Variants in ARHGEF7 observed in about 807,000 individuals in gnomAD.
ARHGEF7 encodes the protein Rho guanine nucleotide exchange factor 7.
A neutral mutation model predicts 109.8 loss-of-function variants in ARHGEF7; 33 were observed. That is an observed-to-expected ratio of 0.30 (90% confidence interval 0.23 to 0.40). The LOEUF (loss-of-function observed/expected upper bound fraction) is 0.40. Among genes scored for constraint, ARHGEF7 ranks in the 10% least tolerant of loss-of-function variants. The pLI is 1.00. For missense variants in ARHGEF7, 938 were observed against 1,098.5 expected (o/e 0.85, Z 2.07); for synonymous variants, 458 against 424.6 (o/e 1.08, Z -0.97).
At position 111,209,874 on chromosome 13, in the gene ARHGEF7, A is replaced by T; in HGVS notation, c.340A>T (p.Ile114Phe). ...LVTLNKVTAD[I>F]GLGSDSVCAR... ...TTCTGTGTGCATGCTCTTTGCAGAC[A>T]TCGGGCTGGGGAGTGACTCCGTGTG... The change falls in exon 4 of 22, where the codon ATC (isoleucine) becomes TTC (phenylalanine). Residue 114 changes from isoleucine to phenylalanine, a missense_variant and splice_region_variant. By Grantham distance (21) the Ile-to-Phe change is conservative (BLOSUM62 0). Transcript: ENST00000646102. The T allele has an allele frequency of 6.2e-7, 1 of 1,614,120 alleles. No homozygotes were observed. The highest frequency in any genetic ancestry group is 8.5e-7 in the Non-Finnish European group (1 of 1,179,976).
At chr13:111,247,083 C>T (rs764413221) in intron 8 of ARHGEF7, among the ~76,000 whole-genome samples, 4 of 152,132 alleles carry the variant, frequency 2.6e-5, no homozygotes, top group African/African-American at 4.8e-5. Context: ...TAGAGTTCCA[C>T]GGGGAAATGG....
chr13:111,163,525 A>G (rs2076900486), intron 2 of ARHGEF7, among the ~76,000 whole-genome samples: 1 of 152,186 alleles, frequency 6.6e-6, no homozygotes. Context: ...AAAAAAGTGA[A>G]GCAAAGTTAA....
chr13:111,245,667 G>C (rs1212636030), intron 8 of ARHGEF7, among the ~76,000 whole-genome samples: 1 of 152,110 alleles, frequency 6.6e-6, no homozygotes, highest in Non-Finnish European at 1.5e-5. Flanking sequence ...AAAACTTCTT[G>C]ACCCACCACT....
chr13:111,205,230 TTCATCCTGCACCCAACATAAG>T, intron 2 of ARHGEF7, 38 bp from the exon 3 acceptor site: 1 of 1,383,320 alleles, frequency 7.2e-7, no homozygotes, highest in Non-Finnish European at 1.0e-6. Context: ...GAGAACTTAG[TTCATCCTGCACCCAACATAAG>T]ACTCTACTAA....
At chr13:111,248,214 G>A (rs536047187) in intron 8 of ARHGEF7, among the ~76,000 whole-genome samples, 2 of 151,954 alleles carry the variant, frequency 1.3e-5, no homozygotes, top group African/African-American at 4.8e-5. Context: ...GAAGGATATT[G>A]CTCCACTGTC....
rs1389368901 is a variant in ARHGEF7, at chr13:111,303,001, A to G, written c.2477A>G (p.Lys826Arg). ...CTGCTTAATTTACAGGACAACAAAA[A>G]GATGAAGAAATCTCTAGAGGAAGAA... ...EVQELRQDNK[K>R]MKKSLEEEQR... Residue 826 changes from lysine to arginine, a missense_variant, in exon 22 of 22, where the codon AAG becomes AGG. Physicochemically the swap from Lys to Arg is conservative, Grantham distance 26. Transcript: ENST00000646102. 1 of 1,614,044 alleles carries G rather than the reference A, an allele frequency of 6.2e-7. No individual in the cohort carries two copies. The highest frequency in any genetic ancestry group is 8.5e-7 in the Non-Finnish European group (1 of 1,180,008).
intron 6 of ARHGEF7, among the ~76,000 whole-genome samples, chr13:111,240,248 A>C (rs960507078): frequency 3.3e-5 from 5 of 152,218 alleles, no homozygotes; most frequent in Non-Finnish European, 7.3e-5. Context: ...GCCATTGCCT[A>C]TAAACCTTTA....
Position 111,115,618 on chromosome 13 carries a change from TG to T in ARHGEF7, c.93del (p.Gln32ArgfsTer4). 7.1e-7 allele frequency: 1 copy of T among 1,403,770 alleles called. No homozygotes were observed. The allele number at this position is 1,403,770 out of a possible 1,614,324, so 87.0% of individuals were successfully genotyped here. On this transcript the variant is annotated frameshift_variant, in exon 1 of 22. Coordinates refer to ENST00000646102, the MANE Select transcript of ARHGEF7 (RefSeq NM_001354046.2). LOFTEE classifies it high-confidence loss of function. ...KKTISDPEGF[L>X]QASLKDGVVL... ...ACCATCTCGGACCCGGAGGGCTTTC[TG>T]CAGGCGTCGCTGAAGGATGGGGTGG...
intron 2 of ARHGEF7, among the ~76,000 whole-genome samples, chr13:111,189,766 C>T (rs2079655617): frequency 6.6e-6 from 1 of 152,160 alleles, no homozygotes; most frequent in Non-Finnish European, 1.5e-5. Context: ...CATTTACAAA[C>T]CTTTGGCTGG....
Position 111,258,890 on chromosome 13 carries a change from A to C in ARHGEF7, c.951-8658A>C, listed in dbSNP as rs1595267518. The stretch of plus-strand genomic sequence containing the variant: ...CTCAGGCCTGGTGGCATTCACCACA[A>C]ACTGACTGAAGAGTCCTTGGGCCTT... On this transcript the variant is annotated intron_variant, in intron 8 of 21. Coordinates refer to ENST00000646102, the MANE Select transcript of ARHGEF7 (RefSeq NM_001354046.2). This position sits in a 1 kb window ranked among gnomAD's most constrained non-coding sequence, Gnocchi z 4.4. Among the ~76,000 whole-genome samples the C allele has an allele frequency of 6.6e-6, 1 of 151,702 alleles. No homozygotes were observed. The highest frequency in any genetic ancestry group is 1.9e-4 in the East Asian group (1 of 5,146).
intron 2 of ARHGEF7, among the ~76,000 whole-genome samples, chr13:111,172,027 A>G (rs1400617867): frequency 1.3e-5 from 2 of 152,290 alleles, no homozygotes; most frequent in East Asian, 1.9e-4. Context: ...TGAGCCGCCC[A>G]GGTTATGGTA....
chr13:111,169,750 A>G (rs1055114625), intron 2 of ARHGEF7, among the ~76,000 whole-genome samples: 2 of 152,214 alleles, frequency 1.3e-5, no homozygotes, highest in African/African-American at 4.8e-5. Context: ...ATGCTGTTAC[A>G]GTAATGAACA....
chr13:111,134,420 G>A (rs2074983814), intron 1 of ARHGEF7, among the ~76,000 whole-genome samples: 3 of 152,322 alleles, frequency 2.0e-5, no homozygotes. Flanking sequence ...CAGTGTAAAA[G>A]TGTTCCTATT....
At chr13:111,296,391 G>T (rs563803432) in intron 19 of ARHGEF7, among the ~76,000 whole-genome samples, 1 of 152,136 alleles carries the variant, frequency 6.6e-6, no homozygotes, top group African/African-American at 2.4e-5. Context: ...GTCTCCAGTC[G>T]TGTGGCACAC....
intron 1 of ARHGEF7, among the ~76,000 whole-genome samples, chr13:111,139,983 G>A (rs2075275444): frequency 6.6e-6 from 1 of 152,194 alleles, no homozygotes; most frequent in African/African-American, 2.4e-5. Flanking sequence ...CATATTTCCA[G>A]GTCTTTTTCG....
At chr13:111,141,154 T>G (rs112402373) in intron 1 of ARHGEF7, among the ~76,000 whole-genome samples, 3,630 of 152,292 alleles carry the variant, frequency 0.024, 63 homozygotes, top group Middle Eastern at 0.058. Context: ...ACTGATACTT[T>G]ATTATTAACT....
intron 3 of ARHGEF7, 41 bp downstream of exon 3, chr13:111,205,414 A>G (rs772824053): frequency 1.4e-6 from 2 of 1,418,386 alleles, no homozygotes; most frequent in Admixed American, 2.4e-5. Flanking sequence ...GTGGGAAGAC[A>G]TACGGGCTGA....
Position 111,159,027 on chromosome 13 carries a change from C to A in ARHGEF7, c.252+5036C>A, listed in dbSNP as rs763998562. 7.0e-6 allele frequency: 5 copies of A among 718,484 alleles called. No homozygotes were observed. The South Asian group carries it at 7.4e-5, about 11-fold the overall frequency. The allele number at this position is 718,484 out of a possible 1,614,324, so 44.5% of individuals were successfully genotyped here. A position where few individuals can be genotyped will look rare whatever the true frequency, so the allele number is the denominator to read the frequency against. Reference sequence around the variant, plus strand: ...TAACATCTCCCCTTTCCCTGTCTAGCTCCTGTTTCCTCCTTCCCAGCCTCC... The same window carrying A: ...TAACATCTCCCCTTTCCCTGTCTAGATCCTGTTTCCTCCTTCCCAGCCTCC... On this transcript the variant is annotated intron_variant, in intron 2 of 21. Coordinates refer to ENST00000646102, the MANE Select transcript of ARHGEF7 (RefSeq NM_001354046.2).
intron 6 of ARHGEF7, 97 bp downstream of exon 6, chr13:111,233,390 A>G: frequency 1.0e-6 from 1 of 962,180 alleles, no homozygotes; most frequent in Admixed American, 1.8e-5. Flanking sequence ...GAATAGGAAG[A>G]AGGAAATAAA....
Sources: gnomAD v4.1 joint callset for allele counts (sites outside exome capture counted in the v4.1 genomes callset) on GRCh38, gnomAD v4.1.1 for gene constraint, Gnocchi (gnomAD v3.1) non-coding constraint, MANE v1.5 for transcripts, NCBI Gene and HGNC (gene_info 2026-07-23, HGNC 2026-07-21) for gene names.